BNIP3L: variants seen among roughly 807,000 people sequenced by gnomAD.
The protein encoded by BNIP3L is BCL2 interacting protein 3 like.
Under a neutral mutation model 25.5 loss-of-function variants are expected in BNIP3L, and 10 were observed. The ratio of observed to expected loss-of-function variants is 0.39; its 90% CI spans 0.24 to 0.67. The LOEUF is 0.67. Among genes scored for constraint, BNIP3L ranks in the 30% least tolerant of loss-of-function variants. The pLI, the probability that BNIP3L is intolerant of heterozygous loss-of-function variation, is 0.45. For missense variants in BNIP3L, 215 were observed against 270.9 expected (o/e 0.79, Z 1.45); for synonymous variants, 113 against 101.2 (o/e 1.12, Z -0.70).
Position 26,395,289 on chromosome 8 carries a change from A to T in BNIP3L, c.344A>T (p.Asp115Val). 6.2e-7 allele frequency: 1 copy of T among 1,614,076 alleles called. No homozygotes were observed. The highest frequency in any genetic ancestry group is 8.5e-7 in the Non-Finnish European group (1 of 1,179,964). Residue 115 changes from aspartate to valine, a missense_variant, in exon 3 of 6, where the codon GAC becomes GTC. Physicochemically the swap from Asp to Val is radical, Grantham distance 152. Around this residue, in one of 4 missense-constraint regions of BNIP3L, gnomAD observed 47 missense variants for 43.3 expected, o/e 1.09. Transcript: ENST00000380629. ...GATGTGGAAATGCACACCAGCAGGG[A>T]CCATAGCTCTCAGGTGTGTCGGGGG... ...MFDVEMHTSR[D>V]HSSQSEEEVV... is the part of the protein sequence containing the mutation.
chr8:26,392,797 T>C (rs1240271973), intron 2 of BNIP3L, among the ~76,000 whole-genome samples: 1 of 152,172 alleles, frequency 6.6e-6, no homozygotes, highest in East Asian at 1.9e-4. Flanking sequence ...TCAACAAGGC[T>C]TTCACTCTGC....
At chr8:26,408,150 A>T in intron 4 of BNIP3L, 47 bp downstream of exon 4, 1 of 1,611,858 alleles carries the variant, frequency 6.2e-7, no homozygotes, top group Non-Finnish European at 8.5e-7. Context: ...TGATCTGCGC[A>T]CGCTTACAGG....
intron 3 of BNIP3L, among the ~76,000 whole-genome samples, chr8:26,406,328 T>C (rs1301971005): frequency 6.6e-6 from 1 of 152,220 alleles, no homozygotes; most frequent in Non-Finnish European, 1.5e-5. Context: ...CCTAAAAATA[T>C]AATCTCCTTC....
intron 1 of BNIP3L, among the ~76,000 whole-genome samples, chr8:26,384,751 T>C (rs1402866724): frequency 9.9e-6 from 1 of 101,202 alleles, no homozygotes; most frequent in Non-Finnish European, 2.0e-5. Context: ...TTTTTTTTTT[T>C]TGAGGTAGAG....
intron 1 of BNIP3L, among the ~76,000 whole-genome samples, chr8:26,387,672 T>G (rs919543589): frequency 9.9e-5 from 15 of 152,248 alleles, no homozygotes; most frequent in African/African-American, 3.6e-4. Flanking sequence ...ATGTAGCCTC[T>G]TAATGCCTGT....
chr8:26,387,377 A>G (rs1806013959), intron 1 of BNIP3L, among the ~76,000 whole-genome samples: 1 of 152,230 alleles, frequency 6.6e-6, no homozygotes, highest in Non-Finnish European at 1.5e-5. Flanking sequence ...AGTCTTTTAG[A>G]TAATGGAGAA....
intron 3 of BNIP3L, among the ~76,000 whole-genome samples, chr8:26,402,637 A>G (rs1170191441): frequency 1.3e-5 from 2 of 152,198 alleles, no homozygotes; most frequent in Non-Finnish European, 1.5e-5. Context: ...AAGAAATTAT[A>G]GTTTAAGCTG....
chr8:26,390,471 A>G (rs1021187056), intron 1 of BNIP3L: 2 of 985,310 alleles, frequency 2.0e-6, no homozygotes, highest in African/African-American at 3.5e-5. Flanking sequence ...AAAACCCTAG[A>G]AAGTAGAAAC....
At chr8:26,408,873 GA>G (rs36118116) in intron 5 of BNIP3L, among the ~76,000 whole-genome samples, 16 of 76,142 alleles carry the variant, frequency 2.1e-4, no homozygotes, top group African/African-American at 2.5e-4. Flanking sequence ...CTCCATCTCG[GA>G]AAAAAAAAAA....
At chr8:26,404,157 C>T (rs773376215) in intron 3 of BNIP3L, among the ~76,000 whole-genome samples, 3 of 152,184 alleles carry the variant, frequency 2.0e-5, no homozygotes, top group Non-Finnish European at 4.4e-5. Context: ...GATGATCATC[C>T]TCAAGAGTCT....
chr8:26,405,869 C>T (rs1294381037), intron 3 of BNIP3L, among the ~76,000 whole-genome samples: 2 of 151,964 alleles, frequency 1.3e-5, no homozygotes, highest in African/African-American at 4.8e-5. Flanking sequence ...ATGGTGAAAC[C>T]CCGTCTCTAC....
chr8:26,407,437 C>T lies in BNIP3L; in HGVS notation c.358-563C>T, dbSNP rs190600223. Among the ~76,000 whole-genome samples, 474 of 152,072 alleles carry T rather than the reference C, an allele frequency of 3.1e-3. 11 individuals are homozygous for T. The highest frequency in any genetic ancestry group is 0.026 in the Admixed American group (404 of 15,258). On this transcript the variant is annotated intron_variant, in intron 3 of 5. Transcript: ENST00000380629. ...TCCTGACCTTGTGATCCGCTCACCT[C>T]GGCCTCCCAAAGTGCTGGGATTACA...
At chr8:26,405,607 C>T (rs1479961788) in intron 3 of BNIP3L, among the ~76,000 whole-genome samples, 2 of 152,168 alleles carry the variant, frequency 1.3e-5, no homozygotes, top group Admixed American at 6.5e-5. Flanking sequence ...ATATGTCAGA[C>T]TCTGCATTTC....
chr8:26,392,203 A>AT (rs1806129115), intron 2 of BNIP3L, among the ~76,000 whole-genome samples: 1 of 145,522 alleles, frequency 6.9e-6, no homozygotes, highest in African/African-American at 2.6e-5. Context: ...AGGGCTAGAT[A>AT]TTAAATGACA....
rs1328639931 is a variant in BNIP3L at position 26,395,450 on chromosome 8, A to G, written c.357+148A>G. On this transcript the variant is annotated intron_variant, in intron 3 of 5. Transcript: ENST00000380629. ...GATTTTGGAATTTATTTAGGATGAT[A>G]TAGTTCTTGTCGCACTCCTTTACAA... The G allele has an allele frequency of 1.5e-5, 13 of 895,240 alleles. No individual in the cohort carries two copies. In the East Asian group the frequency reaches 3.2e-4, roughly 22 times the overall value. 55.5% of individuals were successfully genotyped at this position (895,240 alleles called of 1,614,324 possible).
chr8:26,406,312 A>G (rs1282636194), intron 3 of BNIP3L, among the ~76,000 whole-genome samples: 4 of 152,152 alleles, frequency 2.6e-5, no homozygotes, highest in Admixed American at 2.0e-4. Flanking sequence ...TTGTATAGCA[A>G]TTTGTCCTAA....
At position 26,392,389 on chromosome 8, in the gene BNIP3L, T is replaced by C. The variant is rs557438214; in HGVS notation, c.284+963T>C. Among the ~76,000 whole-genome samples, 25 of 152,368 alleles carry C rather than the reference T, an allele frequency of 1.6e-4. No individual in the cohort carries two copies. In the East Asian group the frequency reaches 4.6e-3, roughly 28 times the overall value. ...AGGAATGCAGTATGGATATGTTTCT[T>C]CTTAACATTTTTGTATTTTGTAAAA... On this transcript the variant is annotated intron_variant, in intron 2 of 5. Coordinates refer to ENST00000380629, the MANE Select transcript of BNIP3L (RefSeq NM_004331.3).
chr8:26,395,118 T>A, intron 2 of BNIP3L, 112 bp from the exon 3 acceptor site: 2 of 1,010,868 alleles, frequency 2.0e-6, no homozygotes, highest in Non-Finnish European at 2.9e-6. Flanking sequence ...TTCTCTGATT[T>A]GCTTTTTCAA....
At chr8:26,392,479 TC>T (rs1806135840) in intron 2 of BNIP3L, among the ~76,000 whole-genome samples, 1 of 152,224 alleles carries the variant, frequency 6.6e-6, no homozygotes, top group African/African-American at 2.4e-5. Flanking sequence ...ATGAGTTAAA[TC>T]ATGTCCAACT....
Sources: gnomAD v4.1 joint callset for allele counts (sites outside exome capture counted in the v4.1 genomes callset) on GRCh38, gnomAD v4.1.1 for gene constraint, gnomAD v4.1.1 regional missense constraint, MANE v1.5 for transcripts, NCBI Gene and HGNC (gene_info 2026-07-23, HGNC 2026-07-21) for gene names.